Variants in ASAP3 observed in about 807,000 individuals in gnomAD.
The protein encoded by ASAP3 is ArfGAP with SH3 domain, ankyrin repeat and PH domain 3.
Under a neutral mutation model 118.2 loss-of-function variants are expected in ASAP3, and 85 were observed. The ratio of observed to expected loss-of-function variants is 0.72; its 90% CI spans 0.60 to 0.86. The LOEUF (loss-of-function observed/expected upper bound fraction) is 0.86. Ranked by LOEUF, ASAP3 falls within the 40% of genes least tolerant of loss-of-function variation. The pLI is 0.00. For missense variants in ASAP3, 1,026 were observed against 1,175.0 expected (o/e 0.87, Z 1.85); for synonymous variants, 432 against 477.4 (o/e 0.90, Z 1.24).
At chr1:23,461,954 C>T (rs1641604377) in intron 1 of ASAP3, among the ~76,000 whole-genome samples, 2 of 152,012 alleles carry the variant, frequency 1.3e-5, no homozygotes, top group Non-Finnish European at 2.9e-5. Flanking sequence ...TATTCTGCCA[C>T]TTGTGGCTGA....
At chr1:23,464,170 G>T (rs528205012) in intron 1 of ASAP3, among the ~76,000 whole-genome samples, 8 of 147,474 alleles carry the variant, frequency 5.4e-5, no homozygotes, top group Middle Eastern at 3.6e-3. Flanking sequence ...CCCCCACCCC[G>T]ATCTATACCA....
At chr1:23,441,246 A>G (rs778397625) in intron 9 of ASAP3, 35 bp from the exon 10 acceptor site, 1 of 1,611,648 alleles carries the variant, frequency 6.2e-7, no homozygotes, top group East Asian at 2.2e-5. Context: ...ACCTCAGGGC[A>G]TCTCAGTGGG....
At chr1:23,442,475 C>A (rs371801629) in intron 6 of ASAP3, 26 bp downstream of exon 6, 53 of 1,608,154 alleles carry the variant, frequency 3.3e-5, no homozygotes, top group Non-Finnish European at 3.9e-5. Flanking sequence ...CCACGCCCCC[C>A]CTCCCTCATC....
rs765515569 is a variant in ASAP3, at chr1:23,437,302, C to T, written c.1170G>A (p.Gln390=). 2 of 1,609,918 alleles carry T rather than the reference C, an allele frequency of 1.2e-6. No individual in the cohort carries two copies. Among genetic ancestry groups the T allele is most frequent in the Non-Finnish European group, 1.7e-6 (2 of 1,177,980 alleles). Residue 390 remains glutamine, a synonymous_variant, in exon 14 of 25, where the codon CAG becomes CAA. Transcript: ENST00000336689. The surrounding 1 kb of genome is among the most constrained non-coding windows in gnomAD (Gnocchi z 6.1). ...TGCTCAGGGCTTCGTCCTTGCTGTT[C>T]TGCAACACTGACACCCACCTGCGGA... ...HECEAWVSVL[Q]NSKDEALSSA... is the part of the protein sequence containing the mutation.
chr1:23,449,510 C>A (rs527733585), intron 5 of ASAP3, among the ~76,000 whole-genome samples: 6 of 152,166 alleles, frequency 3.9e-5, no homozygotes, highest in Non-Finnish European at 5.9e-5. Context: ...GCCCTTCCAG[C>A]TGGGGCTCAG....
intron 1 of ASAP3, among the ~76,000 whole-genome samples, chr1:23,476,237 T>C (rs1642124193): frequency 6.6e-6 from 1 of 151,914 alleles, no homozygotes; most frequent in Admixed American, 6.6e-5. Context: ...CCCCAGGTAC[T>C]TGGGAGGCTG....
At chr1:23,455,401 G>C (rs944543632) in intron 3 of ASAP3, among the ~76,000 whole-genome samples, 1 of 152,212 alleles carries the variant, frequency 6.6e-6, no homozygotes, top group Non-Finnish European at 1.5e-5. Flanking sequence ...ATGTACAGGG[G>C]CTGAGACGCT....
intron 1 of ASAP3, among the ~76,000 whole-genome samples, chr1:23,463,845 G>T (rs1346920677): frequency 6.6e-6 from 1 of 152,074 alleles, no homozygotes; most frequent in African/African-American, 2.4e-5. Context: ...TGATCCGCCT[G>T]CCTCGGCCTC....
At chr1:23,431,526 G>A (rs1477674763) in intron 23 of ASAP3, among the ~76,000 whole-genome samples, 170 bp downstream of exon 23, 1 of 152,194 alleles carries the variant, frequency 6.6e-6, no homozygotes, top group Non-Finnish European at 1.5e-5. Context: ...GGGAGCAAGT[G>A]TGTGAAGGGG....
In ASAP3 at chr1:23,439,143, A is replaced by T; in HGVS notation, c.1014+18T>A. The T allele has an allele frequency of 6.2e-7, 1 of 1,613,672 alleles. No individual in the cohort carries two copies. The highest frequency in any genetic ancestry group is 1.1e-5 in the South Asian group (1 of 91,050). ...GGGTCCATCGTGCCCTGAGACTCCCACCACCTCTAGGCCTCACCGTGCTGT... is the reference window on the plus strand; with the variant it reads ...GGGTCCATCGTGCCCTGAGACTCCCTCCACCTCTAGGCCTCACCGTGCTGT... On this transcript the variant is annotated intron_variant, in intron 11 of 24. Transcript: ENST00000336689.
chr1:23,442,042 G>A (rs773590166), intron 7 of ASAP3, 144 bp downstream of exon 7: 17 of 861,890 alleles, frequency 2.0e-5, no homozygotes, highest in African/African-American at 8.3e-5. Flanking sequence ...CCTGACACCC[G>A]GTGAGCACTC....
At chr1:23,475,116 G>A (rs1251417141) in intron 1 of ASAP3, among the ~76,000 whole-genome samples, 11 of 152,210 alleles carry the variant, frequency 7.2e-5, no homozygotes, top group Non-Finnish European at 1.3e-4. Flanking sequence ...TCCTGTGAAA[G>A]CTGAAAACAA....
At chr1:23,483,972 G>T in intron 1 of ASAP3, 33 bp downstream of exon 1, 4 of 1,253,530 alleles carry the variant, frequency 3.2e-6, no homozygotes, top group Non-Finnish European at 4.0e-6. Flanking sequence ...GCCCGGCGCC[G>T]ACCCCCGACC....
intron 1 of ASAP3, 25 bp downstream of exon 1, chr1:23,483,980 A>G: frequency 7.9e-7 from 1 of 1,260,212 alleles, no homozygotes. Context: ...CCGACCCCCG[A>G]CCCCTCCCGC....
intron 1 of ASAP3, among the ~76,000 whole-genome samples, chr1:23,476,370 A>AAAAGAAAT (rs1295935714): frequency 6.6e-6 from 1 of 152,044 alleles, no homozygotes; most frequent in Non-Finnish European, 1.5e-5. Context: ...AAAAAAGAAA[A>AAAAGAAAT]AAAGAAATGT....
chr1:23,470,364 G>C (rs1247001770), intron 1 of ASAP3, among the ~76,000 whole-genome samples: 1 of 152,196 alleles, frequency 6.6e-6, no homozygotes, highest in Non-Finnish European at 1.5e-5. Context: ...TGGGGCAGAA[G>C]GGGGTGCCAG....
intron 1 of ASAP3, among the ~76,000 whole-genome samples, chr1:23,472,979 C>T (rs1570408754): frequency 2.0e-5 from 3 of 152,294 alleles, no homozygotes; most frequent in South Asian, 4.1e-4. Context: ...ACTGGACTCT[C>T]GCCACAGACC....
Position 23,437,560 on chromosome 1 carries a change from C to A in ASAP3, c.1103-88G>T. The A allele has an allele frequency of 6.6e-7, 1 of 1,520,326 alleles. No homozygotes were observed. The highest frequency in any genetic ancestry group is 9.0e-7 in the Non-Finnish European group (1 of 1,108,808). 94.2% of individuals were successfully genotyped at this position (1,520,326 alleles called of 1,614,324 possible). On this transcript the variant is annotated intron_variant, in intron 12 of 24. Coordinates refer to ENST00000336689, the MANE Select transcript of ASAP3 (RefSeq NM_017707.4). The surrounding 1 kb of genome is among the most constrained non-coding windows in gnomAD (Gnocchi z 6.1). The stretch of plus-strand genomic sequence containing the variant: ...GAGCCCCCACCAAAGCCGCTGGGGC[C>A]ACATGGAGATGTGTCCCTGACAAGT...
chr1:23,433,116 G>A lies in ASAP3; in HGVS notation c.2284C>T (p.Arg762Trp), dbSNP rs144247660. The A allele has an allele frequency of 4.1e-4, 657 of 1,613,980 alleles. No homozygotes were observed. The highest frequency in any genetic ancestry group is 5.4e-4 in the Non-Finnish European group (635 of 1,180,018). The change falls in exon 22 of 25, where the codon CGG (arginine) becomes TGG (tryptophan). Residue 762 changes from arginine to tryptophan, a missense_variant. Physicochemically the swap from Arg to Trp is moderately radical, Grantham distance 101. Transcript: ENST00000336689. ...CTTGCACACCCTTGGACCAAAGTCCGAGAAGAGTTTTTGACTGGCAAGGGC... is the reference window on the plus strand; with the variant it reads ...CTTGCACACCCTTGGACCAAAGTCCAAGAAGAGTTTTTGACTGGCAAGGGC... ...PPPLPVKNSS[R>W]TLVQGCARHA... is the part of the protein sequence containing the mutation.
Sources: gnomAD v4.1 joint callset for allele counts (sites outside exome capture counted in the v4.1 genomes callset) on GRCh38, gnomAD v4.1.1 for gene constraint, Gnocchi (gnomAD v3.1) non-coding constraint, MANE v1.5 for transcripts, NCBI Gene and HGNC (gene_info 2026-07-23, HGNC 2026-07-21) for gene names.